Variants in KCNIP4 observed in about 807,000 individuals in gnomAD.
KCNIP4 encodes the protein Kv channel-interacting protein 4.
KCNIP4 carries 12 observed loss-of-function variants against 34.0 expected under a neutral mutation model. The ratio of observed to expected loss-of-function variants is 0.35; its 90% CI spans 0.23 to 0.57. KCNIP4 has a LOEUF of 0.57. Among genes scored for constraint, KCNIP4 ranks in the 20% least tolerant of loss-of-function variants. KCNIP4 has a pLI of 0.83. For synonymous variants in KCNIP4, 124 were observed against 102.2 expected (o/e 1.21, Z -1.29); for missense variants, 238 against 311.7 (o/e 0.76, Z 1.78).
chr4:21,679,346 T>C (rs908133690), intron 1 of KCNIP4, among the ~76,000 whole-genome samples: 1 of 152,218 alleles, frequency 6.6e-6, no homozygotes, highest in African/African-American at 2.4e-5. Context: ...GAGGCTAAGA[T>C]CTTTTGTTTA....
chr4:21,365,277 G>A (rs1310983051), intron 1 of KCNIP4, among the ~76,000 whole-genome samples: 2 of 151,996 alleles, frequency 1.3e-5, no homozygotes, highest in Non-Finnish European at 2.9e-5. Context: ...TTGAGGTCAA[G>A]AGTTCAAGAC....
At chr4:21,647,681 C>G (rs1396562932) in intron 1 of KCNIP4, among the ~76,000 whole-genome samples, 6 of 151,994 alleles carry the variant, frequency 3.9e-5, no homozygotes, top group Admixed American at 2.6e-4. Context: ...CATCTTCCTG[C>G]TAACTAGTAT....
intron 1 of KCNIP4, among the ~76,000 whole-genome samples, chr4:20,961,337 C>G (rs965429968): frequency 6.6e-6 from 1 of 152,106 alleles, no homozygotes; most frequent in African/African-American, 2.4e-5. Flanking sequence ...ATCCAGCCAC[C>G]ATCCTAATGT....
intron 1 of KCNIP4, among the ~76,000 whole-genome samples, chr4:21,178,528 A>AC: frequency 6.8e-6 from 1 of 146,450 alleles, no homozygotes; most frequent in African/African-American, 2.8e-5. Context: ...TAGTTATTTA[A>AC]GTCCCATGGG....
chr4:21,236,992 G>A (rs1257767256), intron 1 of KCNIP4, among the ~76,000 whole-genome samples: 2 of 150,476 alleles, frequency 1.3e-5, no homozygotes, highest in Admixed American at 6.6e-5. Context: ...GGTGACAGAG[G>A]GAGACTCCAT....
rs200778510 is a variant in KCNIP4 at position 21,720,013 on chromosome 4, A to G, written c.61+228558T>C. Among the ~76,000 whole-genome samples the G allele has an allele frequency of 2.4e-3, 313 of 131,240 alleles. 1 individual carries two copies. Among genetic ancestry groups the G allele is most frequent in the East Asian group, 4.0e-3 (17 of 4,256 alleles). The allele number at this position is 131,240 out of a possible 152,430, so 86.1% of individuals were successfully genotyped here. Reference sequence around the variant, plus strand: ...GGAAGAAGAAAAGAAAAAGAAGAAGAAGAAGGAGAAGGAGAAGGAGAAGGA... The same window carrying G: ...GGAAGAAGAAAAGAAAAAGAAGAAGGAGAAGGAGAAGGAGAAGGAGAAGGA... On this transcript the variant is annotated intron_variant, in intron 1 of 8. Coordinates refer to ENST00000382152, the MANE Select transcript of KCNIP4 (RefSeq NM_025221.6).
chr4:20,802,254 T>C, intron 3 of KCNIP4, among the ~76,000 whole-genome samples: 1 of 108,026 alleles, frequency 9.3e-6, no homozygotes, highest in East Asian at 2.9e-4. Flanking sequence ...ATATATATGC[T>C]ACATATATGC....
At position 21,716,435 on chromosome 4, in the gene KCNIP4, G is replaced by A. The variant is rs183265860; in HGVS notation, c.61+232136C>T. On this transcript the variant is annotated intron_variant, in intron 1 of 8. Coordinates refer to ENST00000382152, the MANE Select transcript of KCNIP4 (RefSeq NM_025221.6). ...GTATTTTGAGTAGAGACAGGGTTTC[G>A]CAGTGTTGGCCACGCTGGTCTCAAA... Among the ~76,000 whole-genome samples, 434 of 151,798 alleles carry A rather than the reference G, an allele frequency of 2.9e-3. 1 individual carries two copies. Among genetic ancestry groups the A allele is most frequent in the African/African-American group, 9.6e-3 (396 of 41,400 alleles).
chr4:21,455,838 T>TAACTAATTTTTTACAGAATG (rs1560422979), intron 1 of KCNIP4, among the ~76,000 whole-genome samples: 10 of 114,894 alleles, frequency 8.7e-5, no homozygotes, highest in African/African-American at 3.2e-4. Context: ...TATATATATA[T>TAACTAATTTTTTACAGAATG]ATATATATAT....
At chr4:20,808,865 T>C (rs146957316) in intron 3 of KCNIP4, among the ~76,000 whole-genome samples, 7 of 152,318 alleles carry the variant, frequency 4.6e-5, no homozygotes, top group Admixed American at 2.6e-4. Context: ...ATGCAAATCT[T>C]TTTTATGGAA....
chr4:21,948,428 T>G, intron 1 of KCNIP4, 143 bp downstream of exon 1: 1 of 876,984 alleles, frequency 1.1e-6, no homozygotes, highest in Non-Finnish European at 1.7e-6. Context: ...CCACCTCCCC[T>G]TCCCAGTCCC....
intron 2 of KCNIP4, among the ~76,000 whole-genome samples, chr4:20,859,728 A>C (rs932166464): frequency 6.6e-6 from 1 of 152,200 alleles, no homozygotes; most frequent in Admixed American, 6.5e-5. Context: ...TCAACTCGTA[A>C]TTATGCAAAT....
intron 1 of KCNIP4, among the ~76,000 whole-genome samples, chr4:21,129,396 C>T (rs1179127996): frequency 3.9e-5 from 6 of 152,208 alleles, no homozygotes; most frequent in Non-Finnish European, 5.9e-5. Context: ...TCACATTTCA[C>T]GGGTGAGAAA....
intron 1 of KCNIP4, among the ~76,000 whole-genome samples, chr4:21,578,437 G>GA (rs1740930540): frequency 2.0e-5 from 3 of 149,656 alleles, no homozygotes; most frequent in Admixed American, 6.7e-5. Context: ...GTTTTTATAT[G>GA]CTCAGGTAAA....
At chr4:21,169,644 T>C (rs1753867236) in intron 1 of KCNIP4, among the ~76,000 whole-genome samples, 1 of 150,372 alleles carries the variant, frequency 6.7e-6, no homozygotes, top group Non-Finnish European at 1.5e-5. Context: ...CATATGTATG[T>C]AGTCATACTT....
intron 1 of KCNIP4, among the ~76,000 whole-genome samples, chr4:20,900,936 C>A (rs1017454245): frequency 2.6e-5 from 4 of 152,122 alleles, no homozygotes; most frequent in African/African-American, 9.7e-5. Context: ...AATTATGGAT[C>A]CTATCTATTC....
chr4:20,843,394 T>C (rs1039797941), intron 3 of KCNIP4, among the ~76,000 whole-genome samples: 1 of 152,210 alleles, frequency 6.6e-6, no homozygotes. Flanking sequence ...TCTAAACCTC[T>C]GTATGATTTC....
chr4:21,308,273 A>G (rs1712710653), intron 1 of KCNIP4, among the ~76,000 whole-genome samples: 1 of 152,188 alleles, frequency 6.6e-6, no homozygotes, highest in South Asian at 2.1e-4. Context: ...AATGAGGCCA[A>G]TATCCCTCCT....
intron 1 of KCNIP4, among the ~76,000 whole-genome samples, chr4:21,767,877 T>C (rs1478130625): frequency 6.6e-6 from 1 of 152,008 alleles, no homozygotes; most frequent in African/African-American, 2.4e-5. Context: ...GAGCTCTTGG[T>C]TCTGGTTAAA....
Sources: allele counts gnomAD v4.1 joint callset (sites outside exome capture counted in the v4.1 genomes callset), GRCh38; gene constraint gnomAD v4.1.1; transcripts MANE v1.5; gene names NCBI Gene and HGNC (gene_info 2026-07-23, HGNC 2026-07-21).